CSMD1: variants seen among roughly 807,000 people sequenced by gnomAD.
CSMD1 encodes the protein CUB and Sushi multiple domains 1.
In CSMD1, 213 loss-of-function variants were observed where a neutral mutation model predicts 417.5. That is an observed-to-expected ratio of 0.51 (90% CI 0.46 to 0.57). The LOEUF (loss-of-function observed/expected upper bound fraction) is 0.57. Ranked by LOEUF, CSMD1 falls within the 20% of genes least tolerant of loss-of-function variation. CSMD1 has a pLI of 0.00. For missense variants in CSMD1, 6,923 were observed against 4,529.7 expected (o/e 1.53, Z -15.17); for synonymous variants, 2,862 against 1,736.8 (o/e 1.65, Z -16.11).
At chr8:4,237,673 G>A (rs370593886) in intron 3 of CSMD1, among the ~76,000 whole-genome samples, 5 of 151,900 alleles carry the variant, frequency 3.3e-5, no homozygotes, top group African/African-American at 1.2e-4. Flanking sequence ...GCACCACCAT[G>A]CCCAGCTAAT....
At chr8:3,208,081 T>C (rs111840956) in intron 30 of CSMD1, among the ~76,000 whole-genome samples, 1 of 152,164 alleles carries the variant, frequency 6.6e-6, no homozygotes, top group Admixed American at 6.5e-5. Flanking sequence ...TTAAAAAACT[T>C]AGCACAAATA....
At chr8:4,820,427 G>T (rs987303228) in intron 1 of CSMD1, among the ~76,000 whole-genome samples, 1 of 152,094 alleles carries the variant, frequency 6.6e-6, no homozygotes, top group Admixed American at 6.6e-5. Context: ...ACGAGAGCAA[G>T]ATTAAATAGT....
chr8:4,321,872 AATAAT>A (rs1384232037), intron 3 of CSMD1, among the ~76,000 whole-genome samples: 1 of 152,182 alleles, frequency 6.6e-6, no homozygotes, highest in African/African-American at 2.4e-5. Context: ...GAAATGAATA[AATAAT>A]ATATCATCAT....
chr8:3,011,873 C>A (rs906582208), intron 52 of CSMD1, among the ~76,000 whole-genome samples: 1 of 152,206 alleles, frequency 6.6e-6, no homozygotes, highest in Non-Finnish European at 1.5e-5. Context: ...AAGCAAACTA[C>A]CGCAGAGAAG....
intron 1 of CSMD1, among the ~76,000 whole-genome samples, chr8:4,727,303 AT>A (rs2116937772): frequency 6.6e-6 from 1 of 152,322 alleles, no homozygotes; most frequent in African/African-American, 2.4e-5. Context: ...TAATTAAGTA[AT>A]TTAATTAAGT....
intron 50 of CSMD1, among the ~76,000 whole-genome samples, chr8:3,047,442 C>T (rs574293882): frequency 6.6e-6 from 1 of 152,238 alleles, no homozygotes; most frequent in South Asian, 2.1e-4. Context: ...TTACCAGTCT[C>T]ACACCAGTAG....
At chr8:3,470,871 G>C (rs1028592968) in intron 11 of CSMD1, among the ~76,000 whole-genome samples, 2 of 152,094 alleles carry the variant, frequency 1.3e-5, no homozygotes, top group Non-Finnish European at 2.9e-5. Context: ...TTTTATCGCT[G>C]GGTAGTATGT....
chr8:3,533,314 C>T (rs529567481), intron 10 of CSMD1, among the ~76,000 whole-genome samples: 2 of 152,238 alleles, frequency 1.3e-5, no homozygotes, highest in East Asian at 3.9e-4. Flanking sequence ...TAACTATAAA[C>T]CGAGATTGTA....
chr8:4,344,257 A>AAATAGGTGTGTGTATGTG (rs1800649712), intron 3 of CSMD1, among the ~76,000 whole-genome samples: 1 of 152,102 alleles, frequency 6.6e-6, no homozygotes, highest in Non-Finnish European at 1.5e-5. Context: ...TCATCTTTAC[A>AAATAGGTGTGTGTATGTG]CGTGTTCATT....
At chr8:4,181,729 T>C (rs1798387609) in intron 3 of CSMD1, among the ~76,000 whole-genome samples, 1 of 151,788 alleles carries the variant, frequency 6.6e-6, no homozygotes, top group Non-Finnish European at 1.5e-5. Context: ...ATTCTAAACA[T>C]AAAACAAAAT....
chr8:4,944,333 A>G (rs1359435414), intron 1 of CSMD1, among the ~76,000 whole-genome samples: 1 of 152,232 alleles, frequency 6.6e-6, no homozygotes, highest in Non-Finnish European at 1.5e-5. Flanking sequence ...GAAGAAAGCT[A>G]GTTATCAGTG....
At chr8:3,081,679 T>C (rs904492385) in intron 49 of CSMD1, among the ~76,000 whole-genome samples, 3 of 152,184 alleles carry the variant, frequency 2.0e-5, no homozygotes, top group Non-Finnish European at 4.4e-5. Context: ...AAACTGTTAT[T>C]TATTTTGTGG....
chr8:3,239,764 C>G (rs1034309667), intron 26 of CSMD1, among the ~76,000 whole-genome samples: 1 of 152,106 alleles, frequency 6.6e-6, no homozygotes, highest in East Asian at 1.9e-4. Context: ...CTCAATAAAC[C>G]AAGCGTGATG....
chr8:4,880,530 T>C (rs1276148448), intron 1 of CSMD1, among the ~76,000 whole-genome samples: 1 of 152,048 alleles, frequency 6.6e-6, no homozygotes. Flanking sequence ...AAATGTCACC[T>C]TTTCCTTCGC....
intron 3 of CSMD1, among the ~76,000 whole-genome samples, chr8:4,142,408 A>C (rs527886653): frequency 6.6e-6 from 1 of 151,110 alleles, no homozygotes; most frequent in African/African-American, 2.5e-5. Flanking sequence ...CTTTGGGTCA[A>C]TATTTCTGCC....
chr8:3,590,155 T>C (rs781042727), intron 8 of CSMD1, among the ~76,000 whole-genome samples: 61 of 152,316 alleles, frequency 4.0e-4, no homozygotes, highest in Admixed American at 1.0e-3. Flanking sequence ...CAAAATTGTA[T>C]GTACTGAAAA....
intron 59 of CSMD1, among the ~76,000 whole-genome samples, chr8:2,964,898 G>A (rs931165761): frequency 2.0e-5 from 3 of 152,108 alleles, no homozygotes; most frequent in Non-Finnish European, 4.4e-5. Flanking sequence ...AGAACTCACC[G>A]AAGATGAAAC....
chr8:3,938,225 G>A (rs916873184), intron 5 of CSMD1, among the ~76,000 whole-genome samples: 1 of 152,068 alleles, frequency 6.6e-6, no homozygotes, highest in African/African-American at 2.4e-5. Flanking sequence ...CACTGATGAA[G>A]CCATGTGTAA....
rs528711122 is a variant in CSMD1 at position 3,544,537 on chromosome 8, C to G, written c.1344+30408G>C. Among the ~76,000 whole-genome samples, 160 of 152,192 alleles carry G rather than the reference C, an allele frequency of 1.1e-3. 1 individual carries two copies. The highest frequency in any genetic ancestry group is 3.8e-3 in the African/African-American group (156 of 41,544). ...CCTTTGCTTTTGCACTGTGGACTCG[C>G]CCTGAATTGTTTCTTGCATGAGATC... On this transcript the variant is annotated intron_variant, in intron 10 of 69. Coordinates refer to ENST00000635120, the MANE Select transcript of CSMD1 (RefSeq NM_033225.6).
Sources: allele counts gnomAD v4.1 joint callset (sites outside exome capture counted in the v4.1 genomes callset), GRCh38; gene constraint gnomAD v4.1.1; transcripts MANE v1.5; gene names NCBI Gene and HGNC (gene_info 2026-07-23, HGNC 2026-07-21).